Variants in TSC22D3 observed in about 807,000 individuals in gnomAD.
The protein encoded by TSC22D3 is TSC22 domain family member 3.
Under a neutral mutation model 11.1 loss-of-function variants are expected in TSC22D3, and 4 were observed. That is an observed-to-expected ratio of 0.36 (90% CI 0.18 to 0.83). The LOEUF is 0.83. TSC22D3 is among the 40% of genes least tolerant of loss of function. TSC22D3 has a pLI of 0.48. For missense variants in TSC22D3, 118 were observed against 159.4 expected (o/e 0.74, Z 1.40); for synonymous variants, 77 against 70.3 (o/e 1.10, Z -0.48).
At chrX:107,761,967 TCTC>T (rs748892268) in intron 1 of TSC22D3, among the ~76,000 whole-genome samples, 77 of 112,206 alleles carry the variant, frequency 6.9e-4, no homozygotes, top group Non-Finnish European at 2.1e-4. Context: ...TAGCCTGTGT[TCTC>T]CTGACTTCCT....
chrX:107,764,476 T>G (rs1471192727), intron 1 of TSC22D3, among the ~76,000 whole-genome samples: 1 of 111,796 alleles, frequency 8.9e-6, no homozygotes, highest in Non-Finnish European at 1.9e-5. Context: ...CCAGTTTACC[T>G]GAGACTGCTT....
chrX:107,717,821 A>G (rs1224806484), intron 1 of TSC22D3, among the ~76,000 whole-genome samples: 1 of 112,067 alleles, frequency 8.9e-6, no homozygotes, highest in African/African-American at 3.3e-5. Flanking sequence ...AGGGTATTGG[A>G]GTGAGCACTG....
rs1037203455 is a variant in TSC22D3, at chrX:107,737,792, C to T, written c.321-21842G>A. On this transcript the variant is annotated intron_variant, in intron 1 of 2. Transcript: ENST00000372383. ...TTTGTGCTATCAAAGACCATTGCAC[C>T]CCATGAGTTCCCATTGAGAAAACAG... 8.0e-5 allele frequency among the ~76,000 whole-genome samples: 9 copies of T among 111,810 alleles called. No individual in the cohort carries two copies. The East Asian group carries it at 2.2e-3, about 28-fold the overall frequency.
At chrX:107,727,670 C>T (rs756702107) in intron 1 of TSC22D3, among the ~76,000 whole-genome samples, 10 of 111,704 alleles carry the variant, frequency 9.0e-5, no homozygotes, top group African/African-American at 2.9e-4. Context: ...TCCCAAACAC[C>T]GCTGGCAAAA....
intron 1 of TSC22D3, among the ~76,000 whole-genome samples, chrX:107,734,118 C>A (rs893085240): frequency 8.9e-6 from 1 of 112,030 alleles, no homozygotes; most frequent in Non-Finnish European, 1.9e-5. Context: ...TTTCCCAGCA[C>A]AAACAATCAG....
At position 107,745,972 on chromosome X, in the gene TSC22D3, G is replaced by T. The variant is rs1036832593; in HGVS notation, c.320+29128C>A. Among the ~76,000 whole-genome samples, 6 of 112,053 alleles carry T rather than the reference G, an allele frequency of 5.4e-5. No individual in the cohort carries two copies. In the Admixed American group the frequency reaches 5.7e-4, roughly 11 times the overall value. On this transcript the variant is annotated intron_variant, in intron 1 of 2. Coordinates refer to ENST00000372383, the MANE Select transcript of TSC22D3 (RefSeq NM_198057.3). ...CCTTCTCAATAGAACTAAAAACAAG[G>T]CTTTAATTAATTCACCAAAATTCTA... is the stretch of plus-strand genomic sequence containing the variant.
intron 1 of TSC22D3, among the ~76,000 whole-genome samples, chrX:107,730,331 C>T (rs748448501): frequency 3.6e-5 from 4 of 111,969 alleles, no homozygotes; most frequent in Non-Finnish European, 7.5e-5. Context: ...GCTCCAGGCC[C>T]AGCTGCACTC....
chrX:107,768,112 A>G (rs2147791574), intron 1 of TSC22D3, among the ~76,000 whole-genome samples: 1 of 112,282 alleles, frequency 8.9e-6, no homozygotes, highest in South Asian at 3.7e-4. Flanking sequence ...TGGCTTACAT[A>G]AGAAGAAGAG....
chrX:107,761,673 C>T (rs181761848), intron 1 of TSC22D3, among the ~76,000 whole-genome samples: 386 of 111,915 alleles, frequency 3.4e-3, no homozygotes, highest in African/African-American at 0.012. Flanking sequence ...TCCTGATTTT[C>T]AGCTGATGAG....
intron 1 of TSC22D3, among the ~76,000 whole-genome samples, chrX:107,754,081 A>G (rs1406348135): frequency 1.8e-5 from 2 of 110,155 alleles, no homozygotes; most frequent in Non-Finnish European, 3.8e-5. Context: ...ACGCCTAGCT[A>G]ATTTTTTTTT....
At chrX:107,730,848 T>C (rs1376677616) in intron 1 of TSC22D3, among the ~76,000 whole-genome samples, 3 of 111,940 alleles carry the variant, frequency 2.7e-5, no homozygotes, top group Non-Finnish European at 5.6e-5. Flanking sequence ...CCTGTTCCTT[T>C]ATGCCACCTG....
At chrX:107,745,779 C>T (rs6523976) in intron 1 of TSC22D3, among the ~76,000 whole-genome samples, 22,036 of 111,472 alleles carry the variant, frequency 0.2, 3,332 homozygotes, top group African/African-American at 0.53. Flanking sequence ...TCCAAACATC[C>T]GTTTGTTTAA....
Position 107,747,605 on chromosome X carries a change from T to C in TSC22D3, c.320+27495A>G, listed in dbSNP as rs1435437449. 3.5e-5 allele frequency among the ~76,000 whole-genome samples: 4 copies of C among 113,172 alleles called. No homozygotes were observed. In the East Asian group the frequency reaches 1.1e-3, roughly 31 times the overall value. ...GAATAGCACAGAGGACTAAAGGCTTTCTTTACTTAGTTCATTAGTTAGCTA... is the reference window on the plus strand; with the variant it reads ...GAATAGCACAGAGGACTAAAGGCTTCCTTTACTTAGTTCATTAGTTAGCTA... On this transcript the variant is annotated intron_variant, in intron 1 of 2. Coordinates refer to ENST00000372383, the MANE Select transcript of TSC22D3 (RefSeq NM_198057.3).
At chrX:107,743,292 C>A (rs1193164330) in intron 1 of TSC22D3, among the ~76,000 whole-genome samples, 1 of 112,184 alleles carries the variant, frequency 8.9e-6, no homozygotes, top group Non-Finnish European at 1.9e-5. Context: ...AAAGTATTTA[C>A]CTCATGAAGA....
chrX:107,758,232 G>C lies in TSC22D3; in HGVS notation c.320+16868C>G, dbSNP rs189842641. On this transcript the variant is annotated intron_variant, in intron 1 of 2. Transcript: ENST00000372383. ...CTACTCACTCTCACCATCACACTTT[G>C]CCCAGCAGTGTAGATACTGGTGGTT... Among the ~76,000 whole-genome samples the C allele has an allele frequency of 4.5e-4, 50 of 110,278 alleles. 1 individual carries two copies. In the East Asian group the frequency reaches 0.012, roughly 26 times the overall value.
chrX:107,742,104 T>TC (rs1435544639), intron 1 of TSC22D3, among the ~76,000 whole-genome samples: 1 of 109,930 alleles, frequency 9.1e-6, no homozygotes, highest in African/African-American at 3.3e-5. Context: ...ACCTTGTCCC[T>TC]CCCCCAACAC....
In TSC22D3 at chrX:107,714,486, T is replaced by C. The variant is rs774692162; in HGVS notation, c.*33A>G. 1 of 1,159,832 alleles carries C rather than the reference T, an allele frequency of 8.6e-7. No individual in the cohort carries two copies. Among genetic ancestry groups the C allele is most frequent in the Non-Finnish European group, 1.2e-6 (1 of 860,764 alleles). ...TGGAAAGAACTAGGTAAAACAAGTT[T>C]AGTGGCTCTGCCCACCCTGAGGACA... On this transcript the variant is annotated 3_prime_UTR_variant, in exon 3 of 3. Transcript: ENST00000372383.
Position 107,739,548 on chromosome X carries a change from G to A in TSC22D3, c.321-23598C>T, listed in dbSNP as rs146424141. Among the ~76,000 whole-genome samples, 4 of 112,495 alleles carry A rather than the reference G, an allele frequency of 3.6e-5. No homozygotes were observed. In the East Asian group the frequency reaches 1.1e-3, roughly 32 times the overall value. ...GCAAGGGCATGCGTGTTGGAGCATAGGTGAGGTTCACAGGTGAGAAAAAGA... is the reference window on the plus strand; with the variant it reads ...GCAAGGGCATGCGTGTTGGAGCATAAGTGAGGTTCACAGGTGAGAAAAAGA... On this transcript the variant is annotated intron_variant, in intron 1 of 2. Transcript: ENST00000372383.
chrX:107,731,340 G>T (rs1360411668), intron 1 of TSC22D3, among the ~76,000 whole-genome samples: 1 of 111,802 alleles, frequency 8.9e-6, no homozygotes, highest in East Asian at 2.8e-4. Context: ...ATAGTAGTCA[G>T]GAAACTTGGG....
Sources: allele counts gnomAD v4.1 joint callset (sites outside exome capture counted in the v4.1 genomes callset), GRCh38; gene constraint gnomAD v4.1.1; transcripts MANE v1.5; gene names NCBI Gene and HGNC (gene_info 2026-07-23, HGNC 2026-07-21).